The following SCAI variants were observed in gnomAD, a reference collection of about 807,000 sequenced individuals.
SCAI encodes the protein protein SCAI.
SCAI carries 24 observed loss-of-function variants against 92.2 expected under a neutral mutation model. The ratio of observed to expected loss-of-function variants is 0.26; its 90% CI spans 0.19 to 0.37. The LOEUF (loss-of-function observed/expected upper bound fraction) is 0.37, where lower values mean the gene tolerates loss of function less well. SCAI is among the 10% of genes least tolerant of loss of function. The pLI, the probability that SCAI is intolerant of heterozygous loss-of-function variation, is 1.00. For synonymous variants in SCAI, 261 were observed against 258.6 expected, an observed-to-expected ratio of 1.01 and a Z score of -0.09; for missense variants, 450 against 736.2, an observed-to-expected ratio of 0.61 and a Z score of 4.50.
intron 9 of SCAI, among the ~76,000 whole-genome samples, chr9:125,009,131 GA>G (rs951277035): frequency 3.3e-5 from 5 of 151,540 alleles, no homozygotes; most frequent in Admixed American, 2.6e-4. Flanking sequence ...AAAGAAATAA[GA>G]AAATACATTC....
chr9:125,042,858 CTTTTTTTTTTTTTTTT>C (rs770118712), intron 3 of SCAI, among the ~76,000 whole-genome samples: 5 of 50,998 alleles, frequency 9.8e-5, no homozygotes, highest in Admixed American at 5.0e-4. Flanking sequence ...TGCTCCCTGG[CTTTTTTTTTTTTTTTT>C]TTTTTTTTTT....
At chr9:125,096,433 G>A (rs1834554683) in intron 2 of SCAI, among the ~76,000 whole-genome samples, 1 of 152,186 alleles carries the variant, frequency 6.6e-6, no homozygotes, top group South Asian at 2.1e-4. Context: ...CACCAGGGAT[G>A]GTCCTTAGCA....
chr9:125,049,830 C>A (rs1414619878), intron 3 of SCAI, among the ~76,000 whole-genome samples: 2 of 152,164 alleles, frequency 1.3e-5, no homozygotes, highest in Non-Finnish European at 2.9e-5. Flanking sequence ...CCCTTTTTCA[C>A]TCTGCTCATA....
chr9:125,068,918 AT>A (rs1181113885), intron 2 of SCAI, among the ~76,000 whole-genome samples: 1 of 151,916 alleles, frequency 6.6e-6, no homozygotes, highest in Non-Finnish European at 1.5e-5. Flanking sequence ...GAAAATAAAA[AT>A]ATAACAAAAA....
At chr9:125,020,202 A>G (rs1832841785) in intron 7 of SCAI, among the ~76,000 whole-genome samples, 2 of 152,188 alleles carry the variant, frequency 1.3e-5, no homozygotes, top group African/African-American at 4.8e-5. Context: ...TTAATATGCA[A>G]TGATTACAGG....
At chr9:124,955,578 G>A (rs1021640602) in intron 17 of SCAI, among the ~76,000 whole-genome samples, 6 of 151,796 alleles carry the variant, frequency 4.0e-5, no homozygotes, top group Non-Finnish European at 7.4e-5. Flanking sequence ...CTGAGAGCAC[G>A]CCACTGCCCT....
At chr9:124,985,230 C>G (rs1831963003) in intron 14 of SCAI, among the ~76,000 whole-genome samples, 1 of 152,186 alleles carries the variant, frequency 6.6e-6, no homozygotes, top group Non-Finnish European at 1.5e-5. Context: ...TCCATGATCA[C>G]TCCACATGGG....
chr9:125,113,752 C>T (rs1055886814), intron 2 of SCAI, among the ~76,000 whole-genome samples: 2 of 148,536 alleles, frequency 1.3e-5, no homozygotes, highest in African/African-American at 2.5e-5. Context: ...CACCTGAGGT[C>T]GGGAATTCGA....
intron 2 of SCAI, among the ~76,000 whole-genome samples, chr9:125,067,959 C>T (rs939639890): frequency 1.3e-5 from 2 of 152,172 alleles, no homozygotes; most frequent in African/African-American, 4.8e-5. Flanking sequence ...GAAAAACTGC[C>T]TCTCTGGACT....
At chr9:125,035,143 C>T (rs1208317392) in intron 3 of SCAI, among the ~76,000 whole-genome samples, 2 of 152,060 alleles carry the variant, frequency 1.3e-5, no homozygotes, top group Admixed American at 6.6e-5. Context: ...CTGCTTGAAC[C>T]CAGAAATTCA....
At chr9:125,059,760 G>A (rs1833737246) in intron 2 of SCAI, among the ~76,000 whole-genome samples, 1 of 152,182 alleles carries the variant, frequency 6.6e-6, no homozygotes. Context: ...AAGAACTGGT[G>A]AAGAATCACT....
Position 125,143,526 on chromosome 9 carries a change from G to T in SCAI, c.-89C>A. ...CGGCGGAGGCTGGAGTAGGCGGAGA[G>T]GCGGGAGGAGGGCCTCGCGCCTCTG... On this transcript the variant is annotated 5_prime_UTR_variant, in exon 1 of 18. Transcript: ENST00000336505. 1 of 1,143,306 alleles carries T rather than the reference G, an allele frequency of 8.7e-7. No homozygotes were observed. Among genetic ancestry groups the T allele is most frequent in the Non-Finnish European group, 1.1e-6 (1 of 887,618 alleles). 70.8% of individuals were successfully genotyped at this position (1,143,306 alleles called of 1,614,324 possible). A position where few individuals can be genotyped will look rare whatever the true frequency, so the allele number is the denominator to read the frequency against.
intron 2 of SCAI, among the ~76,000 whole-genome samples, chr9:125,084,772 G>C (rs55705184): frequency 0.13 from 20,137 of 152,112 alleles, 1,433 homozygotes; most frequent in East Asian, 0.23. Flanking sequence ...TCATGTTAAG[G>C]TAGATTCTAT....
intron 13 of SCAI, among the ~76,000 whole-genome samples, chr9:124,995,360 CAA>C (rs1817845537): frequency 6.6e-6 from 1 of 152,056 alleles, no homozygotes; most frequent in African/African-American, 2.4e-5. Flanking sequence ...CATCTGGAAA[CAA>C]GATGTAATAA....
Position 124,999,903 on chromosome 9 carries a change from T to A in SCAI, c.1232A>T (p.Lys411Met). The change falls in exon 13 of 18, where the codon AAG becomes ATG. Residue 411 changes from lysine (K) to methionine (M), a missense_variant. By Grantham distance (95) the Lys-to-Met change is moderately conservative. This residue lies in a region of SCAI where 360 missense variants were observed against 601.8 expected (regional missense o/e 0.60). Coordinates refer to ENST00000336505, the MANE Select transcript of SCAI (RefSeq NM_001144877.3). Reference sequence around the variant, plus strand: ...CCAGAATACATACCAGTGCATTTCCTTGTGGGACTGATTTCGTTTGTGGAT... The same window carrying A: ...CCAGAATACATACCAGTGCATTTCCATGTGGGACTGATTTCGTTTGTGGAT... ...DAIHKRNQSH[K>M]EMHCLHPGDL... 1 of 1,556,954 alleles carries A rather than the reference T, an allele frequency of 6.4e-7. No individual in the cohort carries two copies. The highest frequency in any genetic ancestry group is 2.3e-5 in the East Asian group (1 of 43,890).
intron 17 of SCAI, among the ~76,000 whole-genome samples, chr9:124,959,756 G>C (rs542762988): frequency 1.5e-5 from 2 of 135,350 alleles, no homozygotes; most frequent in Admixed American, 1.8e-4. Flanking sequence ...TCATTGTTCA[G>C]TTCCCACCTA....
intron 2 of SCAI, among the ~76,000 whole-genome samples, chr9:125,099,665 A>C (rs1447951258): frequency 6.6e-6 from 1 of 152,204 alleles, no homozygotes; most frequent in East Asian, 1.9e-4. Context: ...CTGGCCTTGA[A>C]CATTCCAGAC....
chr9:125,045,663 G>A (rs954207594), intron 3 of SCAI, among the ~76,000 whole-genome samples: 21 of 152,094 alleles, frequency 1.4e-4, no homozygotes, highest in Admixed American at 4.6e-4. Context: ...TCAAACATTC[G>A]TCTGTGTTTG....
chr9:124,990,327 A>G lies in SCAI; in HGVS notation c.1326+4607T>C, dbSNP rs1832093196. On this transcript the variant is annotated intron_variant, in intron 14 of 17. Coordinates refer to ENST00000336505, the MANE Select transcript of SCAI (RefSeq NM_001144877.3). ...AACATGGTGAAACCCCGTCTCTACT[A>G]AAAACACAAAAATCAGCCAGGTGTG... 2.0e-5 allele frequency among the ~76,000 whole-genome samples: 3 copies of G among 151,922 alleles called. No homozygotes were observed. The South Asian group carries it at 6.3e-4, about 32-fold the overall frequency.
Sources: allele counts gnomAD v4.1 joint callset (sites outside exome capture counted in the v4.1 genomes callset), GRCh38; gene constraint gnomAD v4.1.1; regional missense constraint gnomAD v4.1.1; transcripts MANE v1.5; gene names NCBI Gene and HGNC (gene_info 2026-07-23, HGNC 2026-07-21).